PLCB4: variants seen among roughly 807,000 people sequenced by gnomAD.
PLCB4 encodes 1-phosphatidylinositol 4,5-bisphosphate phosphodiesterase beta-4.
A neutral mutation model predicts 178.8 loss-of-function variants in PLCB4; 77 were observed. That is an observed-to-expected ratio of 0.43 (90% CI 0.36 to 0.52). The LOEUF (loss-of-function observed/expected upper bound fraction) is 0.52, where lower values mean the gene tolerates loss of function less well. PLCB4 is among the 20% of genes least tolerant of loss of function. The probability of loss-of-function intolerance (pLI) is 0.00; values close to 1 mark genes in which losing one functional copy is unlikely to be tolerated. For missense variants in PLCB4, 1,024 were observed against 1,453.4 expected (o/e 0.70, Z 4.80); for synonymous variants, 496 against 490.8 (o/e 1.01, Z -0.14).
At chr20:9,408,964 T>C (rs1451493126) in intron 23 of PLCB4, 93 bp from the exon 24 acceptor site, 1 of 1,119,554 alleles carries the variant, frequency 8.9e-7, no homozygotes, top group East Asian at 2.4e-5. Context: ...TTGTTTGTCA[T>C]TGTTGGCCTA....
At chr20:9,340,860 G>A (rs35499725) in intron 7 of PLCB4, among the ~76,000 whole-genome samples, 10,148 of 152,200 alleles carry the variant, frequency 0.067, 362 homozygotes, top group Middle Eastern at 0.095. Flanking sequence ...GACGTGGGAA[G>A]CACTTTGTGT....
intron 9 of PLCB4, among the ~76,000 whole-genome samples, chr20:9,368,890 C>A (rs1011705883): frequency 6.6e-6 from 1 of 152,082 alleles, no homozygotes; most frequent in Non-Finnish European, 1.5e-5. Flanking sequence ...TTTGATTCAA[C>A]AAAAACTCAT....
intron 2 of PLCB4, among the ~76,000 whole-genome samples, chr20:9,198,114 G>GTTA (rs1489583336): frequency 2.6e-5 from 4 of 152,202 alleles, no homozygotes; most frequent in African/African-American, 2.4e-5. Flanking sequence ...TGGTAAACAT[G>GTTA]TTAGGTCCCT....
chr20:9,243,651 C>T (rs1218911679), intron 3 of PLCB4, among the ~76,000 whole-genome samples: 1 of 152,092 alleles, frequency 6.6e-6, no homozygotes, highest in Non-Finnish European at 1.5e-5. Flanking sequence ...TTTTCAAATC[C>T]GAATGTATCT....
At chr20:9,356,289 T>TAA (rs1284703846) in intron 7 of PLCB4, among the ~76,000 whole-genome samples, 1 of 152,194 alleles carries the variant, frequency 6.6e-6, no homozygotes, top group Non-Finnish European at 1.5e-5. Flanking sequence ...CAGAAGCTCT[T>TAA]TAGTTTAATT....
At chr20:9,443,746 A>G (rs2042244118) in intron 30 of PLCB4, among the ~76,000 whole-genome samples, 1 of 152,060 alleles carries the variant, frequency 6.6e-6, no homozygotes, top group Non-Finnish European at 1.5e-5. Flanking sequence ...AATCACTTGC[A>G]CATGAATCCC....
intron 14 of PLCB4, among the ~76,000 whole-genome samples, chr20:9,384,801 T>TC (rs890222681): frequency 6.6e-6 from 1 of 152,076 alleles, no homozygotes; most frequent in Admixed American, 6.5e-5. Flanking sequence ...TTAGCTTTTT[T>TC]TTTTTTTTTT....
At chr20:9,250,249 C>T (rs1251109203) in intron 3 of PLCB4, among the ~76,000 whole-genome samples, 4 of 152,204 alleles carry the variant, frequency 2.6e-5, no homozygotes, top group Non-Finnish European at 5.9e-5. Context: ...GTGACGGACA[C>T]ACTCTGTGAT....
intron 2 of PLCB4, among the ~76,000 whole-genome samples, chr20:9,173,953 A>G (rs2093109425): frequency 6.6e-6 from 1 of 152,186 alleles, no homozygotes; most frequent in African/African-American, 2.4e-5. Flanking sequence ...CTGGAGTTGG[A>G]TATTTATCCA....
At chr20:9,406,530 C>G (rs1602437584) in intron 21 of PLCB4, among the ~76,000 whole-genome samples, 2 of 151,396 alleles carry the variant, frequency 1.3e-5, no homozygotes, top group East Asian at 3.9e-4. Context: ...ACTCTGTTGC[C>G]CAGGCTGGAG....
In PLCB4 at chr20:9,110,701, C is replaced by A. The variant is rs191968628; in HGVS notation, c.-79+14359C>A. On this transcript the variant is annotated intron_variant, in intron 2 of 39. Transcript: ENST00000378473. ...TGTGGCAATCTACAGATTGCCAGAT[C>A]TTTCTCCTTTTCTCCAACTTAGTGT... 3.6e-3 allele frequency among the ~76,000 whole-genome samples: 543 copies of A among 152,270 alleles called. 3 individuals are homozygous for A. The highest frequency in any genetic ancestry group is 0.012 in the African/African-American group (514 of 41,562).
At chr20:9,349,409 T>C (rs1048646971) in intron 7 of PLCB4, among the ~76,000 whole-genome samples, 2 of 152,218 alleles carry the variant, frequency 1.3e-5, no homozygotes, top group Non-Finnish European at 1.5e-5. Flanking sequence ...CATTTTATTA[T>C]ATGAATTTTC....
intron 35 of PLCB4, among the ~76,000 whole-genome samples, chr20:9,462,239 A>G (rs1356332748): frequency 6.6e-6 from 1 of 152,210 alleles, no homozygotes; most frequent in Non-Finnish European, 1.5e-5. Flanking sequence ...AAGTTCATCT[A>G]CACCAAAACC....
intron 1 of PLCB4, among the ~76,000 whole-genome samples, chr20:9,092,657 C>T (rs2090734973): frequency 6.6e-6 from 1 of 152,164 alleles, no homozygotes; most frequent in African/African-American, 2.4e-5. Flanking sequence ...GCTTGGGAAT[C>T]TAAGCATTTT....
At chr20:9,083,529 GC>G (rs528596180) in intron 1 of PLCB4, among the ~76,000 whole-genome samples, 46 of 152,128 alleles carry the variant, frequency 3.0e-4, no homozygotes, top group Admixed American at 3.3e-4. Flanking sequence ...TTAACACCGG[GC>G]CCCTAACCCA....
At chr20:9,113,952 G>A (rs1369937125) in intron 2 of PLCB4, among the ~76,000 whole-genome samples, 1 of 152,190 alleles carries the variant, frequency 6.6e-6, no homozygotes, top group Non-Finnish European at 1.5e-5. Flanking sequence ...AGTGGCTCAC[G>A]CCTGTAATCC....
intron 30 of PLCB4, among the ~76,000 whole-genome samples, chr20:9,438,365 TAA>T (rs778937148): frequency 2.0e-4 from 24 of 119,930 alleles, no homozygotes; most frequent in Admixed American, 2.5e-4. Flanking sequence ...GACTATATCT[TAA>T]AAAAAAAAAA....
intron 20 of PLCB4, 112 bp downstream of exon 20, chr20:9,401,702 A>G: frequency 1.4e-6 from 1 of 694,140 alleles, no homozygotes; most frequent in East Asian, 2.7e-5. Flanking sequence ...CCCCTTCTAA[A>G]TTGCTTAGGA....
chr20:9,451,646 T>G (rs2042778534), intron 32 of PLCB4, among the ~76,000 whole-genome samples: 1 of 152,196 alleles, frequency 6.6e-6, no homozygotes, highest in Non-Finnish European at 1.5e-5. Flanking sequence ...AGGAAACATT[T>G]ATTGATTTAA....
Sources: gnomAD v4.1 joint callset for allele counts (sites outside exome capture counted in the v4.1 genomes callset) on GRCh38, gnomAD v4.1.1 for gene constraint, MANE v1.5 for transcripts, NCBI Gene and HGNC (gene_info 2026-07-23, HGNC 2026-07-21) for gene names.